Variants in AGTPBP1 observed in about 807,000 individuals in gnomAD.
AGTPBP1 encodes cytosolic carboxypeptidase 1.
In AGTPBP1, 70 loss-of-function variants were observed where a neutral mutation model predicts 143.9. The observed-to-expected ratio is 0.49, with a 90% CI of 0.40 to 0.59. The LOEUF (loss-of-function observed/expected upper bound fraction) is 0.59. Among genes scored for constraint, AGTPBP1 ranks in the 20% least tolerant of loss-of-function variants. AGTPBP1 has a pLI of 0.00. For missense variants in AGTPBP1, 1,229 were observed against 1,464.5 expected (o/e 0.84, Z 2.62); for synonymous variants, 463 against 500.2 (o/e 0.93, Z 0.99).
At chr9:85,566,198 A>G (rs975699748) in intron 25 of AGTPBP1, among the ~76,000 whole-genome samples, 4 of 152,172 alleles carry the variant, frequency 2.6e-5, no homozygotes, top group Non-Finnish European at 5.9e-5. Flanking sequence ...TTAGCCAGGC[A>G]AAGTGTGAGC....
chr9:85,741,506 G>A, intron 1 of AGTPBP1: 13 of 985,402 alleles, frequency 1.3e-5, no homozygotes, highest in Non-Finnish European at 1.4e-5. Flanking sequence ...CAAGGTCTGG[G>A]ACGGGGATCC....
At chr9:85,705,077 T>C (rs1406914975) in intron 2 of AGTPBP1, among the ~76,000 whole-genome samples, 1 of 151,816 alleles carries the variant, frequency 6.6e-6, no homozygotes, top group Non-Finnish European at 1.5e-5. Flanking sequence ...AGGAAAGACA[T>C]ATACATTTCA....
intron 2 of AGTPBP1, among the ~76,000 whole-genome samples, chr9:85,693,045 A>C (rs961541961): frequency 3.9e-5 from 6 of 152,182 alleles, no homozygotes; most frequent in Non-Finnish European, 7.4e-5. Context: ...CAAATCACAA[A>C]TATCCCTTCA....
chr9:85,549,330 T>A (rs1483233310), intron 25 of AGTPBP1, among the ~76,000 whole-genome samples: 5 of 152,024 alleles, frequency 3.3e-5, no homozygotes, highest in Admixed American at 2.0e-4. Context: ...GTGTCTCCCA[T>A]CAGGTAGGAA....
At chr9:85,750,728 G>C in the AGTPBP1 span, among the ~76,000 whole-genome samples, 2 of 152,118 alleles carry the variant, frequency 1.3e-5, no homozygotes, top group African/African-American at 4.8e-5. Flanking sequence ...TGCCTAATCT[G>C]CTGGCCCCTG....
the AGTPBP1 span, among the ~76,000 whole-genome samples, chr9:85,788,408 C>CATAT: frequency 1.4e-4 from 21 of 146,380 alleles, no homozygotes; most frequent in African/African-American, 4.7e-4. Context: ...ATATATATTT[C>CATAT]ATATATATAT....
At chr9:85,683,743 C>T (rs1775326348) in intron 3 of AGTPBP1, among the ~76,000 whole-genome samples, 2 of 152,142 alleles carry the variant, frequency 1.3e-5, no homozygotes, top group Admixed American at 6.5e-5. Flanking sequence ...AACTGCTCTG[C>T]CTCTGATATC....
chr9:85,778,272 T>G, the AGTPBP1 span, among the ~76,000 whole-genome samples: 2 of 152,166 alleles, frequency 1.3e-5, no homozygotes, highest in African/African-American at 4.8e-5. Context: ...CATGGTGACT[T>G]GATGACCCAT....
At chr9:85,637,290 G>A (rs1281704974) in intron 13 of AGTPBP1, among the ~76,000 whole-genome samples, 1 of 151,818 alleles carries the variant, frequency 6.6e-6, no homozygotes, top group Non-Finnish European at 1.5e-5. Context: ...TGATCCACCC[G>A]CTTCAGCCTC....
chr9:85,731,427 C>T (rs1373264559), intron 1 of AGTPBP1, among the ~76,000 whole-genome samples: 1 of 150,594 alleles, frequency 6.6e-6, no homozygotes, highest in Non-Finnish European at 1.5e-5. Context: ...TTTTTTTTTT[C>T]GGGGAGGGAA....
At chr9:85,672,278 AG>A (rs1834534691) in intron 7 of AGTPBP1, among the ~76,000 whole-genome samples, 1 of 152,170 alleles carries the variant, frequency 6.6e-6, no homozygotes, top group Non-Finnish European at 1.5e-5. Context: ...CATGTCGGTC[AG>A]GCTGGTCTCA....
In AGTPBP1 at chr9:85,710,699, C is replaced by CAAA. The variant is rs368952660; in HGVS notation, c.32+1800_32+1802dup. Among the ~76,000 whole-genome samples the CAAA allele has an allele frequency of 9.1e-3, 1,335 of 146,598 alleles. 9 individuals carry two copies. Among genetic ancestry groups the CAAA allele is most frequent in the Non-Finnish European group, 0.013 (843 of 64,820 alleles). On this transcript the variant is annotated intron_variant, in intron 2 of 25. Transcript: ENST00000357081. ...CCTACAACAACAACAACAACAACAA[C>CAAA]AAAAAAAACAAATATCCAATAAAAT...
intron 2 of AGTPBP1, among the ~76,000 whole-genome samples, chr9:85,701,602 C>G (rs1171742101): frequency 1.3e-5 from 2 of 152,184 alleles, no homozygotes; most frequent in African/African-American, 2.4e-5. Flanking sequence ...AGTGATCAAA[C>G]AGTCCACATG....
chr9:85,650,076 A>C (rs1833062397), intron 11 of AGTPBP1, among the ~76,000 whole-genome samples: 1 of 148,696 alleles, frequency 6.7e-6, no homozygotes, highest in South Asian at 2.1e-4. Context: ...TGCTCTGGAA[A>C]ATAAAGTGTA....
intron 4 of AGTPBP1, 112 bp downstream of exon 4, chr9:85,681,155 AT>A: frequency 1.1e-6 from 1 of 906,190 alleles, no homozygotes; most frequent in Non-Finnish European, 1.7e-6. Flanking sequence ...GTGTGTGTAT[AT>A]ATGTACGTGT....
At chr9:85,723,094 T>C (rs1440912361) in intron 1 of AGTPBP1, among the ~76,000 whole-genome samples, 1 of 152,134 alleles carries the variant, frequency 6.6e-6, no homozygotes, top group African/African-American at 2.4e-5. Context: ...TGTCAGCCCC[T>C]ACAAGGAGGT....
At chr9:85,762,760 TAA>T in the AGTPBP1 span, among the ~76,000 whole-genome samples, 1 of 149,016 alleles carries the variant, frequency 6.7e-6, no homozygotes, top group East Asian at 1.9e-4. Context: ...CCCTAGAACT[TAA>T]AGTTATATAT....
At chr9:85,786,272 T>G in the AGTPBP1 span, 3,077 of 1,597,692 alleles carry the variant, frequency 1.9e-3, 30 homozygotes, top group African/African-American at 0.026. Flanking sequence ...TGGGAAGATA[T>G]CCCAGAATTA....
At chr9:85,621,998 T>C (rs1830967413) in intron 14 of AGTPBP1, among the ~76,000 whole-genome samples, 1 of 152,188 alleles carries the variant, frequency 6.6e-6, no homozygotes, top group African/African-American at 2.4e-5. Context: ...CACCAAACTG[T>C]GTCAACACAG....
Sources: gnomAD v4.1 joint callset for allele counts (sites outside exome capture counted in the v4.1 genomes callset) on GRCh38, gnomAD v4.1.1 for gene constraint, MANE v1.5 for transcripts, NCBI Gene and HGNC (gene_info 2026-07-23, HGNC 2026-07-21) for gene names.